CPQ: variants seen among roughly 807,000 people sequenced by gnomAD.
CPQ encodes carboxypeptidase Q.
In CPQ, 37 loss-of-function variants were observed where a neutral mutation model predicts 45.7. The ratio of observed to expected loss-of-function variants is 0.81; its 90% confidence interval spans 0.62 to 1.07. CPQ has a LOEUF of 1.07. Ranked by LOEUF, CPQ falls within the 50% of genes least tolerant of loss-of-function variation. The probability of loss-of-function intolerance (pLI) is 0.00; values close to 1 mark genes in which losing one functional copy is unlikely to be tolerated. For missense variants in CPQ, 537 were observed against 572.9 expected (o/e 0.94, Z 0.64); for synonymous variants, 186 against 205.8 (o/e 0.90, Z 0.82).
chr8:96,685,503 A>T (rs1207412426), intron 1 of CPQ, among the ~76,000 whole-genome samples: 1 of 152,020 alleles, frequency 6.6e-6, no homozygotes, highest in Non-Finnish European at 1.5e-5. Flanking sequence ...TTCCGATGGG[A>T]TTCAAATATA....
intron 4 of CPQ, among the ~76,000 whole-genome samples, chr8:96,887,093 C>T (rs149487276): frequency 6.6e-5 from 10 of 152,238 alleles, no homozygotes; most frequent in African/African-American, 1.7e-4. Flanking sequence ...CTCTTTATGA[C>T]GCCTTGTTCC....
At chr8:96,909,780 T>A (rs1188037656) in intron 4 of CPQ, among the ~76,000 whole-genome samples, 1 of 152,210 alleles carries the variant, frequency 6.6e-6, no homozygotes, top group African/African-American at 2.4e-5. Flanking sequence ...TGGGAACATT[T>A]ATACAGGGAG....
intron 7 of CPQ, among the ~76,000 whole-genome samples, chr8:97,122,977 A>AAATTAAATT (rs1563586919): frequency 7.6e-5 from 4 of 52,342 alleles, no homozygotes; most frequent in African/African-American, 4.0e-4. Context: ...AAAATAAAAT[A>AAATTAAATT]AAATTAAAAT....
chr8:96,788,466 C>T (rs1045151413), intron 2 of CPQ, among the ~76,000 whole-genome samples: 2 of 151,974 alleles, frequency 1.3e-5, no homozygotes, highest in African/African-American at 4.8e-5. Context: ...GGCCTGGACT[C>T]CATTGTTTTG....
rs560276608 is a variant in CPQ, at chr8:96,924,437, G to A, written c.850-41498G>A. Among the ~76,000 whole-genome samples the A allele has an allele frequency of 4.6e-5, 7 of 152,188 alleles. No individual in the cohort carries two copies. In the East Asian group the frequency reaches 1.2e-3, roughly 25 times the overall value. ...CAAGAAAAATATTGTAACCCAAAGC[G>A]CCACTGCAAATTTCCCTGTGCTGAC... is the stretch of plus-strand genomic sequence containing the variant. On this transcript the variant is annotated intron_variant, in intron 4 of 7. Transcript: ENST00000220763.
intron 4 of CPQ, among the ~76,000 whole-genome samples, chr8:96,943,706 C>A (rs570095798): frequency 6.6e-6 from 1 of 152,006 alleles, no homozygotes; most frequent in Non-Finnish European, 1.5e-5. Flanking sequence ...TGAAGGGCAT[C>A]GTGGGGTCAT....
intron 7 of CPQ, among the ~76,000 whole-genome samples, chr8:97,077,315 T>G (rs368025136): frequency 6.6e-6 from 1 of 152,324 alleles, no homozygotes; most frequent in East Asian, 1.9e-4. Context: ...CTTCTTCCTG[T>G]GATATGCAAT....
At chr8:96,804,746 C>T (rs1811056901) in intron 2 of CPQ, among the ~76,000 whole-genome samples, 1 of 151,384 alleles carries the variant, frequency 6.6e-6, no homozygotes, top group East Asian at 1.9e-4. Flanking sequence ...GTCAGTCTTA[C>T]TATGATTCAA....
chr8:96,730,549 T>G (rs1219140796), intron 1 of CPQ, among the ~76,000 whole-genome samples: 1 of 152,042 alleles, frequency 6.6e-6, no homozygotes, highest in Non-Finnish European at 1.5e-5. Flanking sequence ...CCAGCTCATC[T>G]CTTTTCTCCT....
chr8:96,816,940 A>G (rs1394193188), intron 2 of CPQ, among the ~76,000 whole-genome samples: 3 of 152,154 alleles, frequency 2.0e-5, no homozygotes, highest in Non-Finnish European at 4.4e-5. Flanking sequence ...TTTATAGAGC[A>G]CTGTTAGAGT....
chr8:96,862,482 C>G (rs1423253383), intron 3 of CPQ, among the ~76,000 whole-genome samples: 1 of 151,810 alleles, frequency 6.6e-6, no homozygotes, highest in Non-Finnish European at 1.5e-5. Flanking sequence ...AATTTGTGAT[C>G]AAATTTTGGG....
At chr8:96,918,733 C>G (rs968351038) in intron 4 of CPQ, among the ~76,000 whole-genome samples, 2 of 152,114 alleles carry the variant, frequency 1.3e-5, no homozygotes, top group Non-Finnish European at 2.9e-5. Context: ...TCACCTTCCA[C>G]TGTGCCCAGG....
At chr8:96,695,332 A>C (rs1168865972) in intron 1 of CPQ, among the ~76,000 whole-genome samples, 4 of 145,464 alleles carry the variant, frequency 2.7e-5, no homozygotes, top group African/African-American at 5.1e-5. Flanking sequence ...AAAACCATAA[A>C]AACCCTAGAA....
At chr8:96,705,139 A>G (rs1448435446) in intron 1 of CPQ, among the ~76,000 whole-genome samples, 1 of 152,186 alleles carries the variant, frequency 6.6e-6, no homozygotes, top group Non-Finnish European at 1.5e-5. Flanking sequence ...TAAACTATCT[A>G]TGCTTATTTA....
At chr8:97,025,925 GC>G (rs1809792299) in intron 5 of CPQ, among the ~76,000 whole-genome samples, 1 of 152,060 alleles carries the variant, frequency 6.6e-6, no homozygotes, top group Admixed American at 6.5e-5. Context: ...ATTCTGATTG[GC>G]CCTCATTTTA....
intron 3 of CPQ, among the ~76,000 whole-genome samples, chr8:96,845,157 CT>C (rs1424121636): frequency 6.6e-6 from 1 of 152,188 alleles, no homozygotes; most frequent in Non-Finnish European, 1.5e-5. Flanking sequence ...CCTGACTATA[CT>C]AAGTAGAGTA....
intron 1 of CPQ, among the ~76,000 whole-genome samples, chr8:96,753,534 A>G (rs556487092): frequency 6.6e-6 from 1 of 151,354 alleles, no homozygotes; most frequent in East Asian, 1.9e-4. Flanking sequence ...TGCATCCCTC[A>G]AGGTTTTACT....
At chr8:96,930,662 G>A (rs1358730189) in intron 4 of CPQ, among the ~76,000 whole-genome samples, 1 of 152,162 alleles carries the variant, frequency 6.6e-6, no homozygotes, top group African/African-American at 2.4e-5. Flanking sequence ...AGTCACTGAA[G>A]AATTCAGAGG....
chr8:96,668,840 A>G lies in CPQ; in HGVS notation c.-35+23438A>G, dbSNP rs537511306. ...ATATCTCAGACTTAGAGCTGAACAAATGGGTAACTTGGAGATGCCAATGGT... is the reference window on the plus strand; with the variant it reads ...ATATCTCAGACTTAGAGCTGAACAAGTGGGTAACTTGGAGATGCCAATGGT... On this transcript the variant is annotated intron_variant, in intron 1 of 7. Coordinates refer to ENST00000220763, the MANE Select transcript of CPQ (RefSeq NM_016134.4). Among the ~76,000 whole-genome samples, 266 of 152,088 alleles carry G rather than the reference A, an allele frequency of 1.7e-3. 1 individual carries two copies. The highest frequency in any genetic ancestry group is 6.0e-3 in the African/African-American group (247 of 41,504).
Sources: gnomAD v4.1 joint callset for allele counts (sites outside exome capture counted in the v4.1 genomes callset) on GRCh38, gnomAD v4.1.1 for gene constraint, MANE v1.5 for transcripts, NCBI Gene and HGNC (gene_info 2026-07-23, HGNC 2026-07-21) for gene names.